Variants in GUCY1A2 observed in about 807,000 individuals in gnomAD.
GUCY1A2 encodes the protein guanylate cyclase 1 soluble subunit alpha 2.
GUCY1A2 carries 27 observed loss-of-function variants against 63.5 expected under a neutral mutation model. The ratio of observed to expected loss-of-function variants is 0.43; its 90% CI spans 0.31 to 0.59. GUCY1A2 has a LOEUF of 0.59. Ranked by LOEUF, GUCY1A2 falls within the 20% of genes least tolerant of loss-of-function variation. The probability of loss-of-function intolerance (pLI) is 0.11; values close to 1 mark genes in which losing one functional copy is unlikely to be tolerated. For missense variants in GUCY1A2, 768 were observed against 913.3 expected (o/e 0.84, Z 2.05); for synonymous variants, 364 against 343.5 (o/e 1.06, Z -0.66).
intron 4 of GUCY1A2, among the ~76,000 whole-genome samples, chr11:106,880,974 A>ACTG (rs1859815127): frequency 6.6e-6 from 1 of 152,116 alleles, no homozygotes; most frequent in Non-Finnish European, 1.5e-5. Flanking sequence ...CCATTAACTA[A>ACTG]CTGCAGGACT....
At chr11:106,787,701 G>A (rs72994968) in intron 5 of GUCY1A2, among the ~76,000 whole-genome samples, 2,798 of 150,780 alleles carry the variant, frequency 0.019, 38 homozygotes, top group Non-Finnish European at 0.027. Context: ...CCATCTTATC[G>A]CAAATGACAG....
At chr11:106,709,108 T>C (rs906535234) in intron 6 of GUCY1A2, among the ~76,000 whole-genome samples, 2 of 140,984 alleles carry the variant, frequency 1.4e-5, no homozygotes, top group Admixed American at 7.7e-5. Context: ...TGTTTAAATG[T>C]TGGATTTTCC....
At chr11:106,780,885 G>T (rs1864447478) in intron 5 of GUCY1A2, among the ~76,000 whole-genome samples, 1 of 152,062 alleles carries the variant, frequency 6.6e-6, no homozygotes, top group African/African-American at 2.4e-5. Context: ...CAGCTTTCCA[G>T]GAATGCTCCA....
intron 7 of GUCY1A2, among the ~76,000 whole-genome samples, chr11:106,691,215 T>C (rs941066192): frequency 2.0e-5 from 3 of 152,102 alleles, no homozygotes; most frequent in African/African-American, 4.8e-5. Context: ...ACTTGCAGAA[T>C]AAGTTAATAT....
intron 7 of GUCY1A2, among the ~76,000 whole-genome samples, chr11:106,705,970 T>A (rs984551289): frequency 5.3e-5 from 8 of 152,310 alleles, no homozygotes; most frequent in African/African-American, 1.9e-4. Context: ...TCATTTTTAT[T>A]AAGAAATATC....
At chr11:106,955,996 TTTTTCTC>T (rs1860979578) in intron 3 of GUCY1A2, among the ~76,000 whole-genome samples, 1 of 151,918 alleles carries the variant, frequency 6.6e-6, no homozygotes. Flanking sequence ...TGATCATTCT[TTTTTCTC>T]TATTCTTGTC....
chr11:106,777,610 C>A (rs1864380973), intron 5 of GUCY1A2, among the ~76,000 whole-genome samples: 1 of 133,700 alleles, frequency 7.5e-6, no homozygotes, highest in African/African-American at 2.8e-5. Flanking sequence ...TGTTCTCACT[C>A]ATAAGTAGGA....
At chr11:107,013,657 C>T (rs969633879) in intron 1 of GUCY1A2, among the ~76,000 whole-genome samples, 1 of 152,038 alleles carries the variant, frequency 6.6e-6, no homozygotes, top group Non-Finnish European at 1.5e-5. Context: ...AAGCGATTCT[C>T]GAGCCTCAGC....
chr11:106,738,547 C>A (rs1369119601), intron 6 of GUCY1A2, among the ~76,000 whole-genome samples: 1 of 152,100 alleles, frequency 6.6e-6, no homozygotes, highest in Non-Finnish European at 1.5e-5. Flanking sequence ...AGTCTTTAAT[C>A]CATCTTGAGT....
chr11:106,963,808 T>C (rs563786457), intron 3 of GUCY1A2, among the ~76,000 whole-genome samples: 1 of 152,320 alleles, frequency 6.6e-6, no homozygotes, highest in Non-Finnish European at 1.5e-5. Flanking sequence ...TGTCCGTTTG[T>C]TTTTAATTGG....
At chr11:106,992,556 T>C (rs547275358) in intron 1 of GUCY1A2, among the ~76,000 whole-genome samples, 131 of 152,044 alleles carry the variant, frequency 8.6e-4, no homozygotes, top group Admixed American at 1.6e-3. Context: ...GGTCTCGATC[T>C]CCTGACCTCG....
chr11:106,939,992 A>T lies in GUCY1A2; in HGVS notation c.674T>A (p.Phe225Tyr). Residue 225 changes from phenylalanine (F) to tyrosine (Y), a missense_variant, in exon 4 of 8, where the codon TTC becomes TAC. Transcript: ENST00000526355. ...GKQATLESPS[F>Y]LCKELPEGTL... ...ACCTTCAGGGAGCTCTTTGCATAGG[A>T]AAGATGGTGACTCCAGAGTGGCCTG... 6.2e-7 allele frequency: 1 copy of T among 1,614,074 alleles called. No homozygotes were observed. Among genetic ancestry groups the T allele is most frequent in the Non-Finnish European group, 8.5e-7 (1 of 1,179,970 alleles).
intron 6 of GUCY1A2, among the ~76,000 whole-genome samples, chr11:106,757,396 G>C (rs1345963355): frequency 9.2e-5 from 14 of 152,100 alleles, no homozygotes; most frequent in Admixed American, 9.2e-4. Context: ...TCCCTTGCTG[G>C]CAAGAAGTTT....
At chr11:106,868,935 T>A (rs982837942) in intron 4 of GUCY1A2, among the ~76,000 whole-genome samples, 17 of 151,628 alleles carry the variant, frequency 1.1e-4, no homozygotes, top group African/African-American at 4.1e-4. Context: ...CAGAACAGAG[T>A]CCTCAGAAAT....
chr11:106,801,577 G>A (rs964920007), intron 5 of GUCY1A2, among the ~76,000 whole-genome samples: 2 of 152,104 alleles, frequency 1.3e-5, no homozygotes, highest in East Asian at 3.9e-4. Context: ...TCTAAAATTT[G>A]AGCTTTTAAC....
At chr11:106,951,409 C>T (rs978029101) in intron 3 of GUCY1A2, among the ~76,000 whole-genome samples, 1 of 152,100 alleles carries the variant, frequency 6.6e-6, no homozygotes, top group South Asian at 2.1e-4. Flanking sequence ...ATCTACTATT[C>T]CCTGACTTTT....
At chr11:106,997,926 T>C (rs745619028) in intron 1 of GUCY1A2, among the ~76,000 whole-genome samples, 2 of 152,126 alleles carry the variant, frequency 1.3e-5, no homozygotes, top group Non-Finnish European at 2.9e-5. Flanking sequence ...AGGGAAAGTA[T>C]GTATCCGCAC....
In GUCY1A2 at chr11:106,939,840, G is replaced by C. The variant is rs377308440; in HGVS notation, c.826C>G (p.Leu276Val). Residue 276 changes from leucine to valine, a missense_variant, in exon 4 of 8, where the codon CTA (leucine) becomes GTA (valine). Leu to Val is a conservative substitution (Grantham distance 32). Around this residue, in one of 3 missense-constraint regions of GUCY1A2, gnomAD observed 496 missense variants for 486.9 expected, o/e 1.02. Coordinates refer to ENST00000526355, the MANE Select transcript of GUCY1A2 (RefSeq NM_000855.3). ...VEVEQVANEK[L>V]CSDVSNPGNC... ...CCTGGGTTTGAAACATCAGAGCATAGCTTCTCATTTGCAACCTGTTCCACT... is the reference window on the plus strand; with the variant it reads ...CCTGGGTTTGAAACATCAGAGCATACCTTCTCATTTGCAACCTGTTCCACT... 2 of 1,613,672 alleles carry C rather than the reference G, an allele frequency of 1.2e-6. No individual in the cohort carries two copies. Among genetic ancestry groups the C allele is most frequent in the African/African-American group, 2.7e-5 (2 of 74,920 alleles).
intron 4 of GUCY1A2, among the ~76,000 whole-genome samples, chr11:106,892,947 T>C (rs1351259634): frequency 1.3e-5 from 2 of 152,172 alleles, no homozygotes; most frequent in Non-Finnish European, 2.9e-5. Flanking sequence ...CACCAGTCCA[T>C]TAAATGTGTT....
Sources: allele counts gnomAD v4.1 joint callset (sites outside exome capture counted in the v4.1 genomes callset), GRCh38; gene constraint gnomAD v4.1.1; regional missense constraint gnomAD v4.1.1; transcripts MANE v1.5; gene names NCBI Gene and HGNC (gene_info 2026-07-23, HGNC 2026-07-21).